The following PARD3 variants were observed in gnomAD, a reference collection of about 807,000 sequenced individuals.
PARD3 encodes par-3 family cell polarity regulator, also known as partitioning defective 3 homolog.
A neutral mutation model predicts 155.4 loss-of-function variants in PARD3; 75 were observed. The observed-to-expected ratio is 0.48, with a 90% CI of 0.40 to 0.58. PARD3 has a LOEUF of 0.58. PARD3 is among the 20% of genes least tolerant of loss of function. The pLI, the probability that PARD3 is intolerant of heterozygous loss-of-function variation, is 0.00. For synonymous variants in PARD3, 576 were observed against 610.5 expected, an observed-to-expected ratio of 0.94 and a Z score of 0.83; for missense variants, 1,642 against 1,721.7, an observed-to-expected ratio of 0.95 and a Z score of 0.82.
intron 5 of PARD3, among the ~76,000 whole-genome samples, chr10:34,447,481 A>C (rs1288171449): frequency 2.6e-4 from 5 of 19,034 alleles, no homozygotes; most frequent in Admixed American, 4.9e-4. Flanking sequence ...ACTGCGTCTC[A>C]AAAAAAAAAA....
intron 4 of PARD3, among the ~76,000 whole-genome samples, chr10:34,458,962 G>A (rs1012819220): frequency 2.0e-5 from 3 of 152,162 alleles, no homozygotes; most frequent in African/African-American, 7.2e-5. Flanking sequence ...AAGGGTGAGT[G>A]TGTGAAAGAA....
chr10:34,801,256 T>A (rs1842817598), intron 1 of PARD3, among the ~76,000 whole-genome samples: 1 of 152,162 alleles, frequency 6.6e-6, no homozygotes, highest in South Asian at 2.1e-4. Flanking sequence ...GAAAAAATGT[T>A]TACAAATAAA....
intron 2 of PARD3, among the ~76,000 whole-genome samples, chr10:34,526,796 C>T (rs1320923205): frequency 6.6e-6 from 1 of 152,166 alleles, no homozygotes; most frequent in Non-Finnish European, 1.5e-5. Context: ...CAACTTGTAC[C>T]GTTGAGCTCC....
At chr10:34,659,823 AC>A (rs1788237050) in intron 2 of PARD3, among the ~76,000 whole-genome samples, 1 of 152,160 alleles carries the variant, frequency 6.6e-6, no homozygotes, top group African/African-American at 2.4e-5. Flanking sequence ...AACCTGTTTT[AC>A]TAAGCCAGGC....
intron 2 of PARD3, among the ~76,000 whole-genome samples, chr10:34,568,185 A>G (rs2086111405): frequency 6.6e-6 from 1 of 152,180 alleles, no homozygotes; most frequent in Admixed American, 6.5e-5. Flanking sequence ...GCCTTCCAAA[A>G]ATTGCATTTT....
At chr10:34,756,587 G>A (rs933530962) in intron 1 of PARD3, among the ~76,000 whole-genome samples, 6 of 150,880 alleles carry the variant, frequency 4.0e-5, no homozygotes, top group African/African-American at 7.3e-5. Flanking sequence ...TCAAGTAGCT[G>A]GGACTACAGG....
intron 2 of PARD3, among the ~76,000 whole-genome samples, chr10:34,528,960 G>A (rs2082655000): frequency 6.6e-6 from 1 of 152,162 alleles, no homozygotes; most frequent in Non-Finnish European, 1.5e-5. Context: ...GTGGATGGGT[G>A]CCATTATGAA....
chr10:34,563,371 CTGTT>C (rs1181416162), intron 2 of PARD3, among the ~76,000 whole-genome samples: 2 of 151,988 alleles, frequency 1.3e-5, no homozygotes, highest in Admixed American at 1.3e-4. Flanking sequence ...CCATGTTTGT[CTGTT>C]TATTTGTTTT....
intron 3 of PARD3, among the ~76,000 whole-genome samples, chr10:34,503,701 G>A (rs1373901303): frequency 6.6e-6 from 1 of 152,220 alleles, no homozygotes; most frequent in Non-Finnish European, 1.5e-5. Context: ...CTGTGAGGAG[G>A]AGTGGGAAAG....
intron 1 of PARD3, among the ~76,000 whole-genome samples, chr10:34,791,235 T>C (rs953772888): frequency 3.3e-5 from 5 of 152,114 alleles, no homozygotes; most frequent in East Asian, 1.9e-4. Context: ...AGCAGCTACA[T>C]AGGGAGCCAA....
At chr10:34,244,050 G>T (rs1022998674) in intron 22 of PARD3, among the ~76,000 whole-genome samples, 1 of 152,098 alleles carries the variant, frequency 6.6e-6, no homozygotes, top group African/African-American at 2.4e-5. Context: ...TTTGAGAAAA[G>T]AAAAATTCCT....
chr10:34,365,769 G>T (rs537862603), intron 12 of PARD3, among the ~76,000 whole-genome samples: 2 of 152,210 alleles, frequency 1.3e-5, no homozygotes, highest in African/African-American at 4.8e-5. Flanking sequence ...TATGTTTTTA[G>T]TAGAGACAGG....
intron 14 of PARD3, among the ~76,000 whole-genome samples, chr10:34,354,541 G>C (rs1461333540): frequency 6.6e-6 from 1 of 152,126 alleles, no homozygotes; most frequent in Non-Finnish European, 1.5e-5. Context: ...GAAAATCAAA[G>C]AGGAAACCAT....
chr10:34,220,208 A>C (rs575230438), intron 22 of PARD3, among the ~76,000 whole-genome samples: 180 of 152,288 alleles, frequency 1.2e-3, no homozygotes, highest in Middle Eastern at 3.4e-3. Flanking sequence ...AAATGAAAAA[A>C]TCTTTAAAGC....
At chr10:34,779,508 C>T (rs1840003973) in intron 1 of PARD3, among the ~76,000 whole-genome samples, 1 of 148,404 alleles carries the variant, frequency 6.7e-6, no homozygotes, top group Non-Finnish European at 1.5e-5. Context: ...GTAGTCCTAA[C>T]TACTCGGGAG....
intron 22 of PARD3, among the ~76,000 whole-genome samples, chr10:34,179,956 G>A (rs566065087): frequency 6.6e-6 from 1 of 151,960 alleles, no homozygotes; most frequent in African/African-American, 2.4e-5. Context: ...CATAGTAGGG[G>A]TATATATTTA....
chr10:34,129,399 C>G (rs1947466772), intron 23 of PARD3, among the ~76,000 whole-genome samples: 1 of 152,078 alleles, frequency 6.6e-6, no homozygotes, highest in Non-Finnish European at 1.5e-5. Context: ...GTGATTAGCC[C>G]ACCTTGACCT....
intron 1 of PARD3, among the ~76,000 whole-genome samples, chr10:34,797,965 T>C (rs1271665655): frequency 6.6e-6 from 1 of 152,110 alleles, no homozygotes; most frequent in South Asian, 2.1e-4. Context: ...AATGAAAATA[T>C]ATCCAGCCTG....
At chr10:34,122,876 G>A (rs1022891220) in intron 23 of PARD3, among the ~76,000 whole-genome samples, 4 of 152,134 alleles carry the variant, frequency 2.6e-5, no homozygotes, top group Non-Finnish European at 4.4e-5. Context: ...CCTATGGCAT[G>A]AACAAAATAA....
Sources: allele counts gnomAD v4.1 joint callset (sites outside exome capture counted in the v4.1 genomes callset), GRCh38; gene constraint gnomAD v4.1.1; transcripts MANE v1.5; gene names NCBI Gene and HGNC (gene_info 2026-07-23, HGNC 2026-07-21).